Variants in TPST1 observed in about 807,000 individuals in gnomAD.
The protein encoded by TPST1 is tyrosylprotein sulfotransferase 1, also known as protein-tyrosine sulfotransferase 1.
In TPST1, 20 loss-of-function variants were observed where a neutral mutation model predicts 34.8. That is an observed-to-expected ratio of 0.57 (90% CI 0.40 to 0.84). The LOEUF (loss-of-function observed/expected upper bound fraction) is 0.84, where lower values mean the gene tolerates loss of function less well. Ranked by LOEUF, TPST1 falls within the 40% of genes least tolerant of loss-of-function variation. The pLI, the probability that TPST1 is intolerant of heterozygous loss-of-function variation, is 0.00. For synonymous variants in TPST1, 152 were observed against 159.4 expected (o/e 0.95, Z 0.35); for missense variants, 353 against 455.5 (o/e 0.78, Z 2.05).
At chr7:66,352,650 A>T in intron 4 of TPST1, 95 bp downstream of exon 4, 1 of 1,562,922 alleles carries the variant, frequency 6.4e-7, no homozygotes, top group Non-Finnish European at 8.6e-7. Flanking sequence ...AAAGACAGAA[A>T]CAAGAAAACC....
At chr7:66,243,700 AG>A (rs1261110885) in intron 2 of TPST1, among the ~76,000 whole-genome samples, 4 of 147,896 alleles carry the variant, frequency 2.7e-5, no homozygotes, top group Non-Finnish European at 5.9e-5. Context: ...CATGTACCTC[AG>A]CCTCCCAGAG....
intron 2 of TPST1, among the ~76,000 whole-genome samples, chr7:66,279,226 C>T (rs1279170760): frequency 6.6e-6 from 1 of 152,168 alleles, no homozygotes; most frequent in Admixed American, 6.5e-5. Flanking sequence ...GGATAATGGC[C>T]TCCAACTCCA....
Position 66,358,338 on chromosome 7 carries a change from T to TA in TPST1, c.*29+1467_*29+1468insA, listed in dbSNP as rs558993631. Among the ~76,000 whole-genome samples, 17 of 151,544 alleles carry TA rather than the reference T, an allele frequency of 1.1e-4. 1 individual carries two copies. Among genetic ancestry groups the TA allele is most frequent in the Middle Eastern group, 3.4e-3 (1 of 290 alleles). The stretch of plus-strand genomic sequence containing the variant: ...ACTTGCTGACCTTTGTTTTTTTTTT[T>TA]TATATAATGTTTTTATTTTTACTTT... On this transcript the variant is annotated intron_variant, in intron 5 of 5. Transcript: ENST00000304842.
intron 3 of TPST1, among the ~76,000 whole-genome samples, chr7:66,297,477 A>G (rs902730301): frequency 2.6e-5 from 4 of 152,216 alleles, no homozygotes; most frequent in African/African-American, 9.6e-5. Flanking sequence ...GATTTGAGGA[A>G]CAGAGTCCTC....
intron 1 of TPST1, among the ~76,000 whole-genome samples, chr7:66,210,366 T>C (rs967840782): frequency 2.6e-5 from 4 of 152,144 alleles, no homozygotes; most frequent in Admixed American, 2.0e-4. Context: ...GATGGAGATA[T>C]ATATGGAGGG....
chr7:66,222,008 C>T (rs1789553212), intron 1 of TPST1, among the ~76,000 whole-genome samples: 1 of 151,956 alleles, frequency 6.6e-6, no homozygotes, highest in Non-Finnish European at 1.5e-5. Flanking sequence ...TATTTGTTGA[C>T]TATTTGCTTT....
At chr7:66,225,712 A>T (rs919614294) in intron 1 of TPST1, among the ~76,000 whole-genome samples, 1 of 152,232 alleles carries the variant, frequency 6.6e-6, no homozygotes, top group African/African-American at 2.4e-5. Flanking sequence ...ACAGTGTTTT[A>T]GTATATAAGG....
In TPST1 at chr7:66,278,500, T is replaced by C. The variant is rs543949354; in HGVS notation, c.846-8011T>C. Among the ~76,000 whole-genome samples, 11 of 152,048 alleles carry C rather than the reference T, an allele frequency of 7.2e-5. No individual in the cohort carries two copies. In the South Asian group the frequency reaches 2.1e-3, roughly 29 times the overall value. ...AGCATGAGGTAAAAAAAGAAAGACATTGGGCCGGGCGCAGTGGCTCACGCC... is the reference window on the plus strand; with the variant it reads ...AGCATGAGGTAAAAAAAGAAAGACACTGGGCCGGGCGCAGTGGCTCACGCC... On this transcript the variant is annotated intron_variant, in intron 2 of 5. Transcript: ENST00000304842.
In TPST1 at chr7:66,332,441, G is replaced by T. The variant is rs1331460893; in HGVS notation, c.1045-20064G>T. On this transcript the variant is annotated intron_variant, in intron 3 of 5. Transcript: ENST00000304842. This position sits in a 1 kb window ranked among gnomAD's most constrained non-coding sequence, Gnocchi z 4.5. ...CGCCACCAAGCCCAGCTAATTTTTT[G>T]TATTTTTAATAGAGATGGGGTTTCA... 6.6e-6 allele frequency among the ~76,000 whole-genome samples: 1 copy of T among 152,022 alleles called. No homozygotes were observed. Among genetic ancestry groups the T allele is most frequent in the Admixed American group, 6.6e-5 (1 of 15,250 alleles).
chr7:66,293,675 C>A (rs1281895263), intron 3 of TPST1, among the ~76,000 whole-genome samples: 13 of 152,288 alleles, frequency 8.5e-5, no homozygotes, highest in Non-Finnish European at 1.0e-4. Context: ...CCAATTACTG[C>A]AGATCTGCAT....
At chr7:66,225,383 G>A (rs1387532878) in intron 1 of TPST1, among the ~76,000 whole-genome samples, 3 of 151,360 alleles carry the variant, frequency 2.0e-5, no homozygotes, top group African/African-American at 7.3e-5. Flanking sequence ...AGGCTGAGGC[G>A]GGCGGATCAC....
chr7:66,230,446 G>A (rs1165600315), intron 1 of TPST1, among the ~76,000 whole-genome samples: 1 of 152,182 alleles, frequency 6.6e-6, no homozygotes, highest in Non-Finnish European at 1.5e-5. Flanking sequence ...TGTTCCTTCT[G>A]ACATTCGGCT....
At chr7:66,314,543 C>T (rs1051815998) in intron 3 of TPST1, among the ~76,000 whole-genome samples, 3 of 152,062 alleles carry the variant, frequency 2.0e-5, no homozygotes, top group African/African-American at 2.4e-5. Flanking sequence ...AAAATAAAAA[C>T]GATCAATGTG....
chr7:66,244,020 C>A (rs1025914843), intron 2 of TPST1, among the ~76,000 whole-genome samples: 2 of 149,838 alleles, frequency 1.3e-5, no homozygotes, highest in Non-Finnish European at 3.0e-5. Context: ...ATGATCTCGG[C>A]TCACTGCGAG....
intron 2 of TPST1, among the ~76,000 whole-genome samples, chr7:66,255,079 G>A (rs369052015): frequency 2.6e-5 from 4 of 151,412 alleles, no homozygotes; most frequent in Admixed American, 6.6e-5. Context: ...CCCAGGAGGC[G>A]GAGCTTGCAG....
At chr7:66,280,555 C>T (rs544573262) in intron 2 of TPST1, among the ~76,000 whole-genome samples, 3 of 152,244 alleles carry the variant, frequency 2.0e-5, no homozygotes, top group East Asian at 1.9e-4. Flanking sequence ...AAAGTCATAT[C>T]GTCTGCAAAT....
intron 1 of TPST1, among the ~76,000 whole-genome samples, chr7:66,234,428 C>CACACACACACACACACACACAG (rs757230640): frequency 6.6e-5 from 10 of 150,414 alleles, no homozygotes; most frequent in African/African-American, 1.5e-4. Context: ...CACACACACA[C>CACACACACACACACACACACAG]ACAGACACAC....
At chr7:66,231,450 A>G (rs1186395154) in intron 1 of TPST1, among the ~76,000 whole-genome samples, 2 of 152,102 alleles carry the variant, frequency 1.3e-5, no homozygotes, top group African/African-American at 2.4e-5. Context: ...ACAGGAGCCT[A>G]TGGAGGGGGT....
chr7:66,316,424 T>G (rs555500472), intron 3 of TPST1, among the ~76,000 whole-genome samples: 1 of 152,158 alleles, frequency 6.6e-6, no homozygotes, highest in Non-Finnish European at 1.5e-5. Context: ...GGTGCTGGGT[T>G]TTATTGGTAG....
Sources: gnomAD v4.1 joint callset for allele counts (sites outside exome capture counted in the v4.1 genomes callset) on GRCh38, gnomAD v4.1.1 for gene constraint, Gnocchi (gnomAD v3.1) non-coding constraint, MANE v1.5 for transcripts, NCBI Gene and HGNC (gene_info 2026-07-23, HGNC 2026-07-21) for gene names.